MDFIC2: variants seen among roughly 807,000 people sequenced by gnomAD.
MDFIC2 encodes MyoD family inhibitor domain containing 2, also known as myoD family inhibitor domain-containing protein 2.
intron 2 of MDFIC2, among the ~76,000 whole-genome samples, chr3:70,252,820 C>G (rs1001542093): frequency 6.6e-6 from 1 of 152,144 alleles, no homozygotes; most frequent in African/African-American, 2.4e-5. Context: ...TGGCTCATGC[C>G]TGTAATCCCA....
Position 70,311,880 on chromosome 3 carries a change from A to G in MDFIC2, c.88+6T>C. 2.5e-6 allele frequency: 1 copy of G among 397,762 alleles called. No individual in the cohort carries two copies. The highest frequency in any genetic ancestry group is 4.4e-6 in the Non-Finnish European group (1 of 225,550). The allele number at this position is 397,762 out of a possible 1,614,324, so 24.6% of individuals were successfully genotyped here. ...CCAATAGAAAATCAAGAGCAAGAAG[A>G]CTTACCTTCTTTCAACCAAGAAATG... is the stretch of plus-strand genomic sequence containing the variant. On this transcript the variant is annotated splice_donor_region_variant and intron_variant, in intron 2 of 3. Transcript: ENST00000567252.
intron 2 of MDFIC2, among the ~76,000 whole-genome samples, chr3:70,212,834 C>T (rs539956440): frequency 9.9e-5 from 15 of 152,168 alleles, no homozygotes; most frequent in African/African-American, 3.6e-4. Context: ...GTCACCCAGG[C>T]TGGAGTGCAG....
chr3:70,219,930 T>C (rs1314109716), intron 2 of MDFIC2, among the ~76,000 whole-genome samples: 1 of 152,178 alleles, frequency 6.6e-6, no homozygotes, highest in Non-Finnish European at 1.5e-5. Flanking sequence ...GGTACTGCGA[T>C]GTATTTCCTG....
At chr3:70,224,781 T>A (rs1278478961) in intron 2 of MDFIC2, among the ~76,000 whole-genome samples, 1 of 152,166 alleles carries the variant, frequency 6.6e-6, no homozygotes, top group Non-Finnish European at 1.5e-5. Flanking sequence ...TTGCGCTCTA[T>A]TAAAACATTG....
Position 70,195,607 on chromosome 3 carries a change from C to T in MDFIC2, c.*1319G>A, listed in dbSNP as rs1398390489. Among the ~76,000 whole-genome samples, 2 of 152,170 alleles carry T rather than the reference C, an allele frequency of 1.3e-5. No homozygotes were observed. Among genetic ancestry groups the T allele is most frequent in the Non-Finnish European group, 2.9e-5 (2 of 68,012 alleles). ...ATTTTGGAGCTTTCTTTTGTTGTTG[C>T]TGTTTCCCTAAATTACACACAAAAA... is the stretch of plus-strand genomic sequence containing the variant. On this transcript the variant is annotated 3_prime_UTR_variant, in exon 4 of 4. Transcript: ENST00000567252.
intron 2 of MDFIC2, among the ~76,000 whole-genome samples, chr3:70,279,438 A>G (rs1267472397): frequency 6.6e-6 from 1 of 152,038 alleles, no homozygotes; most frequent in Non-Finnish European, 1.5e-5. Flanking sequence ...TCTCCTTCAC[A>G]TCTCTGAGTA....
At chr3:70,254,928 A>G (rs1046964328) in intron 2 of MDFIC2, among the ~76,000 whole-genome samples, 6 of 152,194 alleles carry the variant, frequency 3.9e-5, no homozygotes, top group African/African-American at 1.4e-4. Context: ...TTCCTCTGTA[A>G]TGGTTTCCTA....
intron 2 of MDFIC2, among the ~76,000 whole-genome samples, chr3:70,282,520 C>A (rs901603967): frequency 3.9e-5 from 6 of 152,216 alleles, no homozygotes; most frequent in Non-Finnish European, 5.9e-5. Flanking sequence ...TCTTATCACT[C>A]AGCCTGGTTC....
intron 1 of MDFIC2, among the ~76,000 whole-genome samples, chr3:70,312,188 G>C (rs1038220025): frequency 2.6e-5 from 4 of 151,948 alleles, no homozygotes; most frequent in Admixed American, 6.6e-5. Context: ...ATATTTCTTT[G>C]CCCAGCAACA....
At chr3:70,282,208 A>G (rs985211029) in intron 2 of MDFIC2, among the ~76,000 whole-genome samples, 1 of 152,146 alleles carries the variant, frequency 6.6e-6, no homozygotes, top group Admixed American at 6.5e-5. Flanking sequence ...CTTTCCTGGC[A>G]GTATTTGCTG....
Position 70,227,150 on chromosome 3 carries a change from G to A in MDFIC2, c.89-20360C>T, listed in dbSNP as rs1052665016. 2.6e-5 allele frequency among the ~76,000 whole-genome samples: 4 copies of A among 152,152 alleles called. No homozygotes were observed. In the East Asian group the frequency reaches 7.7e-4, roughly 29 times the overall value. ...ATACTTGAAATACAGGTTAAAGCAG[G>A]ACTACAACAAGATCATATTTTTGTC... On this transcript the variant is annotated intron_variant, in intron 2 of 3. Coordinates refer to ENST00000567252, the MANE Select transcript of MDFIC2 (RefSeq NM_001364677.1).
At chr3:70,281,165 C>A (rs1447437501) in intron 2 of MDFIC2, among the ~76,000 whole-genome samples, 1 of 152,086 alleles carries the variant, frequency 6.6e-6, no homozygotes, top group African/African-American at 2.4e-5. Context: ...TCTCTTGGCC[C>A]CTACAATTTT....
chr3:70,266,329 AC>A (rs1347635530), intron 2 of MDFIC2, among the ~76,000 whole-genome samples: 1 of 152,098 alleles, frequency 6.6e-6, no homozygotes, highest in Non-Finnish European at 1.5e-5. Context: ...TTTTGATTAA[AC>A]TGTAATCGTT....
chr3:70,232,674 A>G (rs1398708423), intron 2 of MDFIC2, among the ~76,000 whole-genome samples: 1 of 152,104 alleles, frequency 6.6e-6, no homozygotes, highest in Non-Finnish European at 1.5e-5. Flanking sequence ...CTTAGGATGA[A>G]GACATCATTC....
intron 2 of MDFIC2, among the ~76,000 whole-genome samples, chr3:70,225,745 A>G (rs759024001): frequency 1.2e-4 from 19 of 152,366 alleles, no homozygotes; most frequent in Non-Finnish European, 2.4e-4. Context: ...GGTGATAAGA[A>G]CAAAAACACT....
intron 2 of MDFIC2, among the ~76,000 whole-genome samples, chr3:70,253,876 G>A (rs1032276210): frequency 2.0e-5 from 3 of 152,022 alleles, no homozygotes; most frequent in African/African-American, 4.8e-5. Context: ...TTCTGTTCCT[G>A]GAGATAAAAC....
chr3:70,244,532 A>T (rs1199712803), intron 2 of MDFIC2, among the ~76,000 whole-genome samples: 1 of 152,204 alleles, frequency 6.6e-6, no homozygotes, highest in Non-Finnish European at 1.5e-5. Flanking sequence ...AGGCTAACAA[A>T]TCTATTTGAT....
At chr3:70,233,062 G>A (rs757099181) in intron 2 of MDFIC2, among the ~76,000 whole-genome samples, 5 of 152,130 alleles carry the variant, frequency 3.3e-5, no homozygotes, top group South Asian at 2.1e-4. Context: ...GGTGGCATGC[G>A]CCTGTGGTCT....
intron 2 of MDFIC2, among the ~76,000 whole-genome samples, chr3:70,239,167 C>T (rs1701640684): frequency 6.6e-6 from 1 of 152,086 alleles, no homozygotes; most frequent in African/African-American, 2.4e-5. Context: ...AAAAGTGGGG[C>T]TAGGAATTTA....
Sources: gnomAD v4.1 joint callset for allele counts (sites outside exome capture counted in the v4.1 genomes callset) on GRCh38, gnomAD v4.1.1 for gene constraint, MANE v1.5 for transcripts, NCBI Gene and HGNC (gene_info 2026-07-23, HGNC 2026-07-21) for gene names.